CHD9NB: variants seen among roughly 807,000 people sequenced by gnomAD.
CHD9NB encodes the protein CHD9 neighbor.
At chr16:53,036,419 T>A in the CHD9NB span, among the ~76,000 whole-genome samples, 11 of 152,326 alleles carry the variant, frequency 7.2e-5, no homozygotes, top group South Asian at 2.1e-4. Flanking sequence ...GCTTATCTAC[T>A]CCACCTGCCC....
chr16:53,051,768 A>ATATATATAT, the CHD9NB span, among the ~76,000 whole-genome samples: 7 of 104,640 alleles, frequency 6.7e-5, no homozygotes, highest in South Asian at 2.9e-4. Context: ...TAAAAGTATA[A>ATATATATAT]ATATATATAT....
At chr16:53,048,331 G>A in the CHD9NB span, among the ~76,000 whole-genome samples, 1 of 151,930 alleles carries the variant, frequency 6.6e-6, no homozygotes, top group Non-Finnish European at 1.5e-5. Flanking sequence ...CTGGAATCTG[G>A]GAGGTGGAAG....
At chr16:53,037,737 AC>A in the CHD9NB span, among the ~76,000 whole-genome samples, 5 of 152,188 alleles carry the variant, frequency 3.3e-5, no homozygotes, top group African/African-American at 1.2e-4. Flanking sequence ...CTTTACAGCA[AC>A]CCTGGAGGTC....
the CHD9NB span, among the ~76,000 whole-genome samples, chr16:53,049,942 G>A: frequency 1.4e-4 from 21 of 152,238 alleles, no homozygotes; most frequent in South Asian, 2.5e-3. Context: ...GGTGGCTCAC[G>A]TCTGTAATCC....
At chr16:53,036,399 C>T in the CHD9NB span, among the ~76,000 whole-genome samples, 4 of 152,216 alleles carry the variant, frequency 2.6e-5, no homozygotes, top group Non-Finnish European at 1.5e-5. Context: ...CCATCGCTGG[C>T]TCCTTTGCAG....
At chr16:53,042,313 C>T in the CHD9NB span, among the ~76,000 whole-genome samples, 1 of 148,892 alleles carries the variant, frequency 6.7e-6, no homozygotes, top group African/African-American at 2.5e-5. Context: ...CCTCCGTCTC[C>T]CCTCTCCTTC....
the CHD9NB span, among the ~76,000 whole-genome samples, chr16:53,040,514 C>A: frequency 6.6e-6 from 1 of 152,178 alleles, no homozygotes; most frequent in African/African-American, 2.4e-5. Flanking sequence ...CCAAAATAAC[C>A]ATCCTCTTTG....
At chr16:53,051,847 C>A in the CHD9NB span, among the ~76,000 whole-genome samples, 1 of 140,006 alleles carries the variant, frequency 7.1e-6, no homozygotes. Context: ...ATATATAAAG[C>A]ACAGCGTCCA....
chr16:53,041,335 T>C, the CHD9NB span, among the ~76,000 whole-genome samples: 2 of 152,242 alleles, frequency 1.3e-5, no homozygotes, highest in African/African-American at 4.8e-5. Context: ...CGAGTGATGC[T>C]AGGCTCCAGT....
the CHD9NB span, among the ~76,000 whole-genome samples, chr16:53,037,774 T>C: frequency 6.6e-6 from 1 of 152,200 alleles, no homozygotes; most frequent in Non-Finnish European, 1.5e-5. Context: ...AATTCCCAAA[T>C]GAATTCCTCA....
At chr16:53,049,978 C>T in the CHD9NB span, among the ~76,000 whole-genome samples, 3 of 152,144 alleles carry the variant, frequency 2.0e-5, no homozygotes, top group East Asian at 1.9e-4. Flanking sequence ...CCGAGGTGGG[C>T]GGATCACTTG....
the CHD9NB span, among the ~76,000 whole-genome samples, chr16:53,041,355 G>A: frequency 3.3e-5 from 5 of 152,256 alleles, no homozygotes; most frequent in Admixed American, 3.3e-4. Flanking sequence ...TGGATAACGG[G>A]AATGTCCTTA....
the CHD9NB span, among the ~76,000 whole-genome samples, chr16:53,050,828 T>C: frequency 6.6e-6 from 1 of 152,122 alleles, no homozygotes; most frequent in African/African-American, 2.4e-5. Context: ...TGACACCATC[T>C]TGCCCATGAC....
chr16:53,037,467 A>G, the CHD9NB span, among the ~76,000 whole-genome samples: 3 of 152,184 alleles, frequency 2.0e-5, no homozygotes, highest in African/African-American at 7.2e-5. Flanking sequence ...AGCCCAAAGG[A>G]AAAGTTTGTA....
the CHD9NB span, among the ~76,000 whole-genome samples, chr16:53,051,762 A>AGTATAAATATATATATATATAT: frequency 2.7e-5 from 3 of 109,210 alleles, no homozygotes; most frequent in Non-Finnish European, 5.2e-5. Context: ...ACAACTTAAA[A>AGTATAAATATATATATATATAT]GTATAAATAT....
the CHD9NB span, among the ~76,000 whole-genome samples, chr16:53,040,719 A>T: frequency 6.6e-6 from 1 of 152,240 alleles, no homozygotes; most frequent in Non-Finnish European, 1.5e-5. Flanking sequence ...TGAATGAATG[A>T]TGAGTGATAG....
At chr16:53,040,378 A>G in the CHD9NB span, among the ~76,000 whole-genome samples, 1 of 152,002 alleles carries the variant, frequency 6.6e-6, no homozygotes, top group Non-Finnish European at 1.5e-5. Context: ...CCAGCCCCTG[A>G]TTTGATTTTT....
the CHD9NB span, among the ~76,000 whole-genome samples, chr16:53,036,210 C>A: frequency 6.6e-6 from 1 of 152,158 alleles, no homozygotes; most frequent in African/African-American, 2.4e-5. Context: ...ATTCATGCAA[C>A]CTTCATAAAT....
At chr16:53,037,837 G>T in the CHD9NB span, among the ~76,000 whole-genome samples, 1 of 152,210 alleles carries the variant, frequency 6.6e-6, no homozygotes. Flanking sequence ...CTGTGTCCTT[G>T]AGAGCTGGAA....
Sources: allele counts gnomAD v4.1 joint callset (sites outside exome capture counted in the v4.1 genomes callset), GRCh38; gene constraint gnomAD v4.1.1; transcripts MANE v1.5; gene names NCBI Gene and HGNC (gene_info 2026-07-23, HGNC 2026-07-21).